The following WTAP variants were observed in gnomAD, a reference collection of about 807,000 sequenced individuals.
WTAP encodes the protein pre-mRNA-splicing regulator WTAP.
WTAP carries 8 observed loss-of-function variants against 50.0 expected under a neutral mutation model. That is an observed-to-expected ratio of 0.16 (90% CI 0.09 to 0.29). The LOEUF (loss-of-function observed/expected upper bound fraction) is 0.29, where lower values mean the gene tolerates loss of function less well. WTAP is among the 10% of genes least tolerant of loss of function. The probability of loss-of-function intolerance (pLI) is 1.00; values close to 1 mark genes in which losing one functional copy is unlikely to be tolerated. For missense variants in WTAP, 295 were observed against 470.7 expected (o/e 0.63, Z 3.45); for synonymous variants, 194 against 169.0 (o/e 1.15, Z -1.15).
chr6:159,751,136 AACT>A (rs1454039099), intron 6 of WTAP, among the ~76,000 whole-genome samples: 1 of 152,176 alleles, frequency 6.6e-6, no homozygotes, highest in Non-Finnish European at 1.5e-5. Context: ...TTTCAAAAAC[AACT>A]ACTTGTAATT....
At chr6:159,739,712 G>A (rs1184355872) in intron 3 of WTAP, among the ~76,000 whole-genome samples, 1 of 151,916 alleles carries the variant, frequency 6.6e-6, no homozygotes, top group Non-Finnish European at 1.5e-5. Flanking sequence ...AAGCGGAGGA[G>A]AGAAAAGATG....
chr6:159,736,963 G>A (rs1220719944), intron 2 of WTAP, among the ~76,000 whole-genome samples: 1 of 152,204 alleles, frequency 6.6e-6, no homozygotes, highest in Non-Finnish European at 1.5e-5. Flanking sequence ...GTTTCCTATT[G>A]TGGAGTCAGA....
chr6:159,742,011 G>A (rs1448862019), intron 3 of WTAP, 77 bp from the exon 4 acceptor site: 6 of 1,064,074 alleles, frequency 5.6e-6, no homozygotes, highest in Non-Finnish European at 8.3e-6. Flanking sequence ...TAAAATCTGT[G>A]AGTTTATAGA....
upstream of WTAP, chr6:159,727,493 G>A: frequency 4.0e-6 from 4 of 993,742 alleles, no homozygotes; most frequent in Non-Finnish European, 4.8e-6. Flanking sequence ...GCCGGGCGGC[G>A]GGGCCTGGTT....
In WTAP at chr6:159,755,749, G is replaced by GTTTTTTTTTTATTTTTTTTTTTTTTTGTT. The variant is rs1402868444; in HGVS notation, c.*148_*149insATTTTTTTTTTTTTTTGTTTTTTTTTTTT. 1 of 300,296 alleles carries GTTTTTTTTTTATTTTTTTTTTTTTTTGTT rather than the reference G, an allele frequency of 3.3e-6. No individual in the cohort carries two copies. Among genetic ancestry groups the GTTTTTTTTTTATTTTTTTTTTTTTTTGTT allele is most frequent in the Non-Finnish European group, 4.3e-6 (1 of 234,356 alleles). 18.6% of individuals were successfully genotyped at this position (300,296 alleles called of 1,614,324 possible). On this transcript the variant is annotated 3_prime_UTR_variant, in exon 8 of 8. Transcript: ENST00000621533. ...TTTTTTTTTGTTGTTTTTTTTCTTT[G>GTTTTTTTTTTATTTTTTTTTTTTTTTGTT]TTTTTTTTTTCTTTTCTTTTTTTTT...
At chr6:159,726,969 G>A, upstream of WTAP, 1 of 1,283,850 alleles carries the variant, frequency 7.8e-7, no homozygotes, top group Non-Finnish European at 1.0e-6. Context: ...CGAACACAGA[G>A]CGGCCAATCA....
chr6:159,730,986 C>G (rs1192100081), intron 1 of WTAP: 1 of 150,464 alleles, frequency 6.6e-6, no homozygotes, highest in East Asian at 2.0e-4. Flanking sequence ...AAAAGAAATA[C>G]AAAAATTAGC....
intron 4 of WTAP, 24 bp downstream of exon 4, chr6:159,742,170 A>G (rs776613842): frequency 5.2e-5 from 82 of 1,564,540 alleles, no homozygotes; most frequent in Non-Finnish European, 6.7e-5. Flanking sequence ...TTAGCTTCCT[A>G]AAGACTGAAT....
At chr6:159,735,606 AG>A (rs1403477386) in intron 1 of WTAP, among the ~76,000 whole-genome samples, 1 of 152,002 alleles carries the variant, frequency 6.6e-6, no homozygotes, top group Non-Finnish European at 1.5e-5. Flanking sequence ...AAAATGAGCC[AG>A]GTGTGGTGGC....
At position 159,755,765 on chromosome 6, in the gene WTAP, C is replaced by T. The variant is rs200478998; in HGVS notation, c.*154C>T. The T allele has an allele frequency of 0.05, 8,630 of 172,240 alleles. 11 individuals are homozygous for T. The highest frequency in any genetic ancestry group is 0.2 in the Admixed American group (593 of 3,028). The allele number at this position is 172,240 out of a possible 1,614,324, so 10.7% of individuals were successfully genotyped here. A position where few individuals can be genotyped will look rare whatever the true frequency, so the allele number is the denominator to read the frequency against. ...TTTTTCTTTGTTTTTTTTTTCTTTT[C>T]TTTTTTTTTTTTTTTTTTTTTTTTT... On this transcript the variant is annotated 3_prime_UTR_variant, in exon 8 of 8. Coordinates refer to ENST00000621533, the MANE Select transcript of WTAP (RefSeq NM_001270531.2).
intron 2 of WTAP, 61 bp downstream of exon 2, chr6:159,736,356 G>T: frequency 7.5e-7 from 1 of 1,337,810 alleles, no homozygotes; most frequent in Non-Finnish European, 1.1e-6. Flanking sequence ...GCTTTTTTAA[G>T]CACTTTAAAA....
intron 2 of WTAP, 87 bp from the exon 3 acceptor site, chr6:159,738,903 A>T: frequency 1.0e-6 from 1 of 971,530 alleles, no homozygotes; most frequent in Non-Finnish European, 1.6e-6. Context: ...TTTAAATCTC[A>T]CACTTGGGAG....
chr6:159,753,277 G>A, intron 6 of WTAP, 183 bp from the exon 7 acceptor site: 1 of 849,468 alleles, frequency 1.2e-6, no homozygotes, highest in Non-Finnish European at 1.8e-6. Context: ...TTTTACTGCT[G>A]TGTTGGCAAA....
intron 3 of WTAP, among the ~76,000 whole-genome samples, chr6:159,740,912 C>T (rs1004672169): frequency 6.6e-6 from 1 of 151,912 alleles, no homozygotes; most frequent in Non-Finnish European, 1.5e-5. Context: ...CTGTGTTGGC[C>T]AGGATGGTCT....
intron 1 of WTAP, among the ~76,000 whole-genome samples, chr6:159,731,803 G>A (rs1052292621): frequency 1.3e-5 from 2 of 152,146 alleles, no homozygotes; most frequent in South Asian, 4.1e-4. Flanking sequence ...TGCTACTTTT[G>A]TATTTGCAAA....
At chr6:159,749,377 T>G (rs879349764) in intron 6 of WTAP, 3 of 985,684 alleles carry the variant, frequency 3.0e-6, no homozygotes, top group Non-Finnish European at 3.6e-6. Flanking sequence ...TATTTGGGCC[T>G]TTTGTATTGC....
chr6:159,726,953 G>A (rs962332424), upstream of WTAP: 2 of 1,287,602 alleles, frequency 1.6e-6, no homozygotes, highest in East Asian at 5.5e-5. Context: ...TCACGGATGA[G>A]CGTCACGAAC....
rs531832621 is a variant in WTAP at position 159,749,417 on chromosome 6, A to C, written c.452+1048A>C. On this transcript the variant is annotated intron_variant, in intron 6 of 7. Transcript: ENST00000621533. ...TTGATATTAAATTAAATGTGCCTTG[A>C]AATAGTTGGTTTTTTTTTTTTTTTA... The C allele has an allele frequency of 1.2e-3, 1,124 of 972,604 alleles. 10 individuals carry two copies. The African/African-American group carries it at 0.019, about 16-fold the overall frequency. 60.2% of individuals were successfully genotyped at this position (972,604 alleles called of 1,614,324 possible).
At chr6:159,738,351 TA>T (rs1384026592) in intron 2 of WTAP, among the ~76,000 whole-genome samples, 5 of 152,238 alleles carry the variant, frequency 3.3e-5, no homozygotes, top group African/African-American at 1.2e-4. Flanking sequence ...TTTTTGAGAC[TA>T]TTTTTTTTCC....
Sources: gnomAD v4.1 joint callset for allele counts (sites outside exome capture counted in the v4.1 genomes callset) on GRCh38, gnomAD v4.1.1 for gene constraint, MANE v1.5 for transcripts, NCBI Gene and HGNC (gene_info 2026-07-23, HGNC 2026-07-21) for gene names.